TSHR: variants seen among roughly 807,000 people sequenced by gnomAD.
TSHR encodes the protein thyroid stimulating hormone receptor, also known as thyrotropin receptor.
In TSHR, 51 loss-of-function variants were observed where a neutral mutation model predicts 64.1. The ratio of observed to expected loss-of-function variants is 0.80; its 90% confidence interval spans 0.64 to 1.01. The LOEUF (loss-of-function observed/expected upper bound fraction) is 1.01, where lower values mean the gene tolerates loss of function less well. TSHR is among the 50% of genes least tolerant of loss of function. The pLI is 0.00. For synonymous variants in TSHR, 361 were observed against 361.9 expected, an observed-to-expected ratio of 1.00 and a Z score of 0.03; for missense variants, 877 against 942.8, an observed-to-expected ratio of 0.93 and a Z score of 0.91.
Position 81,087,960 on chromosome 14 carries a change from T to G in TSHR, c.324T>G (p.Ile108Met). The G allele has an allele frequency of 6.2e-7, 1 of 1,612,872 alleles. No homozygotes were observed. The highest frequency in any genetic ancestry group is 8.5e-7 in the Non-Finnish European group (1 of 1,178,850). ...TTCCTTGTAACTTATACAGAGAAAT[T>G]CGGAATACCAGGAACTTAACTTACA... ...YNLSKVTHIE[I>M]RNTRNLTYID... Residue 108 changes from isoleucine (I) to methionine (M), a missense_variant, in exon 4 of 10, where the codon ATT becomes ATG. Physicochemically the swap from Ile to Met is conservative, Grantham distance 10. Transcript: ENST00000298171.
chr14:81,102,678 C>A, intron 7 of TSHR: 1 of 538,036 alleles, frequency 1.9e-6, no homozygotes, highest in Non-Finnish European at 2.4e-6. Context: ...AACAAATGAG[C>A]ATGGTTATGT....
In TSHR at chr14:81,143,265, G is replaced by A. The variant is rs565082329; in HGVS notation, c.1207G>A (p.Asp403Asn). Residue 403 changes from aspartate to asparagine, a missense_variant, in exon 10 of 10, where the codon GAT becomes AAT. Physicochemically the swap from Asp to Asn is conservative, Grantham distance 23. Transcript: ENST00000298171. ...AGACATGGTGTGTACCCCCAAGTCCGATGAGTTCAACCCGTGTGAAGACAT... is the reference window on the plus strand; with the variant it reads ...AGACATGGTGTGTACCCCCAAGTCCAATGAGTTCAACCCGTGTGAAGACAT... Reference protein sequence around the residue: ...SEDMVCTPKSDEFNPCEDIMG... With the variant: ...SEDMVCTPKSNEFNPCEDIMG... 28 of 1,614,140 alleles carry A rather than the reference G, an allele frequency of 1.7e-5. No individual in the cohort carries two copies. The Admixed American group carries it at 2.0e-4, about 12-fold the overall frequency.
intron 1 of TSHR, among the ~76,000 whole-genome samples, chr14:80,969,348 C>T (rs1887480842): frequency 6.6e-6 from 1 of 152,174 alleles, no homozygotes; most frequent in Non-Finnish European, 1.5e-5. Flanking sequence ...CGTTTTCATA[C>T]TGGTAGATCA....
At chr14:81,116,057 T>A (rs1303540038) in intron 8 of TSHR, among the ~76,000 whole-genome samples, 1 of 151,814 alleles carries the variant, frequency 6.6e-6, no homozygotes, top group Non-Finnish European at 1.5e-5. Flanking sequence ...GAACAACCGG[T>A]ACCAGCCGCT....
chr14:81,078,728 G>C (rs1014446736), intron 3 of TSHR: 2 of 152,248 alleles, frequency 1.3e-5, no homozygotes, highest in East Asian at 3.9e-4. Context: ...CGTGTGGGAA[G>C]ATCCTGAGAT....
At chr14:81,108,878 C>T (rs867677687) in intron 8 of TSHR, 4 of 1,444,266 alleles carry the variant, frequency 2.8e-6, no homozygotes, top group Middle Eastern at 5.1e-4. Context: ...GATAGTTCGA[C>T]TCGTCTGTGG....
At position 81,145,356 on chromosome 14, in the gene TSHR, C is replaced by T. The variant is rs1891888426; in HGVS notation, c.*1003C>T. 1 of 233,046 alleles carries T rather than the reference C, an allele frequency of 4.3e-6. No individual in the cohort carries two copies. Among genetic ancestry groups the T allele is most frequent in the Non-Finnish European group, 8.5e-6 (1 of 118,004 alleles). The allele number at this position is 233,046 out of a possible 1,614,324, so 14.4% of individuals were successfully genotyped here. A position where few individuals can be genotyped will look rare whatever the true frequency, so the allele number is the denominator to read the frequency against. On this transcript the variant is annotated 3_prime_UTR_variant, in exon 10 of 10. Transcript: ENST00000298171. ...TTTTCCTATTTTGTAGGGCTGCTGA[C>T]TCCTAGTCCTTGAAGCCTAGACACA...
intron 1 of TSHR, among the ~76,000 whole-genome samples, chr14:81,010,813 T>C (rs1252816690): frequency 1.3e-5 from 2 of 151,048 alleles, no homozygotes; most frequent in Non-Finnish European, 3.0e-5. Context: ...GGCCAAAAGA[T>C]GTACATGTAA....
At chr14:81,124,659 T>G (rs1890944018) in intron 8 of TSHR, among the ~76,000 whole-genome samples, 1 of 152,204 alleles carries the variant, frequency 6.6e-6, no homozygotes, top group African/African-American at 2.4e-5. Flanking sequence ...CATTTTCTAT[T>G]CTCACCAGCA....
intron 5 of TSHR, among the ~76,000 whole-genome samples, chr14:81,091,368 A>C (rs542305817): frequency 6.6e-6 from 1 of 152,336 alleles, no homozygotes; most frequent in Admixed American, 6.5e-5. Flanking sequence ...GTTCCAGTGG[A>C]GTGCTGGTTG....
chr14:81,130,059 C>T (rs1193355903), intron 8 of TSHR, among the ~76,000 whole-genome samples: 1 of 152,190 alleles, frequency 6.6e-6, no homozygotes, highest in East Asian at 1.9e-4. Context: ...AAGGTAAGAA[C>T]TACCTTGCCT....
intron 1 of TSHR, chr14:81,051,591 T>C (rs1885435546): frequency 6.6e-6 from 1 of 152,168 alleles, no homozygotes; most frequent in South Asian, 2.1e-4. Flanking sequence ...ATTTCTACTT[T>C]TAGTTTTTTA....
At chr14:81,127,210 G>A (rs144865634) in intron 8 of TSHR, among the ~76,000 whole-genome samples, 16 of 152,292 alleles carry the variant, frequency 1.1e-4, no homozygotes, top group African/African-American at 3.6e-4. Flanking sequence ...GGTACTAAAT[G>A]TTTTCACTTT....
chr14:81,049,166 T>A (rs778255753), intron 1 of TSHR, among the ~76,000 whole-genome samples: 182 of 152,102 alleles, frequency 1.2e-3, no homozygotes, highest in Non-Finnish European at 2.1e-3. Context: ...AGTGAGATTT[T>A]AAAAAAAATG....
At chr14:81,030,531 A>C (rs1294393840) in intron 1 of TSHR, among the ~76,000 whole-genome samples, 2 of 152,196 alleles carry the variant, frequency 1.3e-5, no homozygotes, top group Non-Finnish European at 2.9e-5. Flanking sequence ...AATTAAGACA[A>C]ATACAAGCAC....
In TSHR at chr14:81,038,063, A is replaced by G. The variant is rs569716102; in HGVS notation, c.171-24085A>G. ...CTCAAAAGTACATTGAATTTTCTCC[A>G]GAATAGATTATATGTTAGGCCACAA... On this transcript the variant is annotated intron_variant, in intron 1 of 9. Transcript: ENST00000298171. 2.0e-5 allele frequency among the ~76,000 whole-genome samples: 3 copies of G among 152,222 alleles called. No homozygotes were observed. The South Asian group carries it at 6.2e-4, about 32-fold the overall frequency.
chr14:81,119,772 ACC>A (rs1890704576), intron 8 of TSHR, among the ~76,000 whole-genome samples: 1 of 110,756 alleles, frequency 9.0e-6, no homozygotes, highest in Non-Finnish European at 1.7e-5. Context: ...AAGACTTGGA[ACC>A]AACCCAAATG....
At chr14:81,057,467 G>T (rs553813178) in intron 1 of TSHR, among the ~76,000 whole-genome samples, 1 of 152,074 alleles carries the variant, frequency 6.6e-6, no homozygotes, top group African/African-American at 2.4e-5. Context: ...AGAACACAAG[G>T]CAAGTGATAA....
chr14:81,056,761 A>G (rs570541353), intron 1 of TSHR, among the ~76,000 whole-genome samples: 1 of 152,086 alleles, frequency 6.6e-6, no homozygotes, highest in Non-Finnish European at 1.5e-5. Flanking sequence ...ACCCTACATA[A>G]TAACTCACAA....
Sources: allele counts gnomAD v4.1 joint callset (sites outside exome capture counted in the v4.1 genomes callset), GRCh38; gene constraint gnomAD v4.1.1; transcripts MANE v1.5; gene names NCBI Gene and HGNC (gene_info 2026-07-23, HGNC 2026-07-21).